The following LCA5L variants were observed in gnomAD, a reference collection of about 807,000 sequenced individuals.
The protein encoded by LCA5L is lebercilin LCA5 like.
In LCA5L, 35 loss-of-function variants were observed where a neutral mutation model predicts 45.4. That is an observed-to-expected ratio of 0.77 (90% CI 0.59 to 1.02). LCA5L has a LOEUF of 1.02. Ranked by LOEUF, LCA5L falls within the 50% of genes least tolerant of loss-of-function variation. LCA5L has a pLI of 0.00. For synonymous variants in LCA5L, 233 were observed against 264.7 expected, an observed-to-expected ratio of 0.88 and a Z score of 1.16; for missense variants, 668 against 761.6, an observed-to-expected ratio of 0.88 and a Z score of 1.45.
At chr21:39,422,415 C>CT (rs2073921877) in intron 6 of LCA5L, 1 of 152,568 alleles carries the variant, frequency 6.6e-6, no homozygotes, top group Non-Finnish European at 1.5e-5. Context: ...CCAGTCATCT[C>CT]TTTAATTATT....
rs551617762 is a variant in LCA5L, at chr21:39,439,304, T to A, written c.-245-3731A>T. On this transcript the variant is annotated intron_variant, in intron 2 of 10. Transcript: ENST00000288350. ...CCTTGGATCCTCTAGAAGGAATCAG[T>A]CCTGCTGACATCCTAACTTTAGCCC... 3.3e-5 allele frequency among the ~76,000 whole-genome samples: 5 copies of A among 152,312 alleles called. No individual in the cohort carries two copies. In the South Asian group the frequency reaches 1.0e-3, roughly 32 times the overall value.
At position 39,428,169 on chromosome 21, in the gene LCA5L, T is replaced by C; in HGVS notation, c.322+3A>G. On this transcript the variant is annotated splice_donor_region_variant and intron_variant, in intron 5 of 10. Transcript: ENST00000288350. Reference sequence around the variant, plus strand: ...GTCTTGCTTGGGAAATTTTACTCCTTACCTTTAGATTGGGAGATTTTAGAA... The same window carrying C: ...GTCTTGCTTGGGAAATTTTACTCCTCACCTTTAGATTGGGAGATTTTAGAA... 6.5e-7 allele frequency: 1 copy of C among 1,544,636 alleles called. No individual in the cohort carries two copies. Among genetic ancestry groups the C allele is most frequent in the Non-Finnish European group, 8.8e-7 (1 of 1,137,020 alleles).
chr21:39,415,421 T>C (rs983095498), intron 7 of LCA5L, among the ~76,000 whole-genome samples: 4 of 152,252 alleles, frequency 2.6e-5, no homozygotes, highest in Non-Finnish European at 4.4e-5. Context: ...CATGAGCCCA[T>C]GAACCAGCTT....
At position 39,423,263 on chromosome 21, in the gene LCA5L, T is replaced by C. The variant is rs767403262; in HGVS notation, c.550A>G (p.Lys184Glu). The C allele has an allele frequency of 1.2e-6, 2 of 1,610,242 alleles. No individual in the cohort carries two copies. The highest frequency in any genetic ancestry group is 2.2e-5 in the South Asian group (2 of 89,598). ...FLKQLQLRHL[K>E]AIGKYENSQN... is the part of the protein sequence containing the mutation. ...GAATTCTCATATTTTCCTATAGCTT[T>C]CAAATGCCTAAGCTGAAGTTGTTTC... is the stretch of plus-strand genomic sequence containing the variant. The change falls in exon 6 of 11, where the codon AAA becomes GAA. Residue 184 changes from lysine to glutamate, a missense_variant. Lys to Glu is a moderately conservative substitution (Grantham distance 56, BLOSUM62 1). Transcript: ENST00000288350.
chr21:39,413,568 T>A (rs1418969478), intron 7 of LCA5L, among the ~76,000 whole-genome samples: 2 of 152,212 alleles, frequency 1.3e-5, no homozygotes, highest in Non-Finnish European at 2.9e-5. Flanking sequence ...CACAAAGGGA[T>A]AAAACATGAG....
chr21:39,413,758 T>C (rs1247472585), intron 7 of LCA5L: 2 of 152,194 alleles, frequency 1.3e-5, no homozygotes, highest in Non-Finnish European at 2.9e-5. Context: ...TGTAAAACAT[T>C]TTAGAATGAG....
At position 39,409,932 on chromosome 21, in the gene LCA5L, A is replaced by T. The variant is rs2039798929; in HGVS notation, c.1282+47T>A. The T allele has an allele frequency of 2.7e-6, 3 of 1,123,330 alleles. No homozygotes were observed. In the South Asian group the frequency reaches 4.0e-5, roughly 15 times the overall value. 69.6% of individuals were successfully genotyped at this position (1,123,330 alleles called of 1,614,324 possible). A position where few individuals can be genotyped will look rare whatever the true frequency, so the allele number is the denominator to read the frequency against. ...TTTATATACACATATAGTAATTCAC[A>T]ATTTTAAAGAAATCAGATAAGATAG... is the stretch of plus-strand genomic sequence containing the variant. On this transcript the variant is annotated intron_variant, in intron 10 of 10. Coordinates refer to ENST00000288350, the MANE Select transcript of LCA5L (RefSeq NM_152505.4). This position sits in a 1 kb window ranked among gnomAD's most constrained non-coding sequence, Gnocchi z 4.2.
chr21:39,428,437 T>C lies in LCA5L; in HGVS notation c.57A>G (p.Ala19=). The change falls in exon 5 of 11, where the codon GCA becomes GCG. Residue 19 remains alanine, a synonymous_variant. Transcript: ENST00000288350. ...CTGCAGACCTCCTATTGTTTTCTAATGCCACGCCGAAGAAATGCTCATCTA... is the reference window on the plus strand; with the variant it reads ...CTGCAGACCTCCTATTGTTTTCTAACGCCACGCCGAAGAAATGCTCATCTA... ...TNIDEHFFGV[A]LENNRRSAAC... 1 of 1,612,082 alleles carries C rather than the reference T, an allele frequency of 6.2e-7. No individual in the cohort carries two copies.
At chr21:39,425,595 T>A (rs927022148) in intron 5 of LCA5L, among the ~76,000 whole-genome samples, 1 of 152,146 alleles carries the variant, frequency 6.6e-6, no homozygotes, top group African/African-American at 2.4e-5. Context: ...TGTCTGTGGT[T>A]TTGTTGAGGC....
rs1303989571 is a variant in LCA5L, at chr21:39,420,809, G to C, written c.872C>G (p.Ala291Gly). 2 of 1,612,670 alleles carry C rather than the reference G, an allele frequency of 1.2e-6. No homozygotes were observed. The highest frequency in any genetic ancestry group is 1.7e-6 in the Non-Finnish European group (2 of 1,178,930). The change falls in exon 7 of 11, where the codon GCC becomes GGC. Residue 291 changes from alanine to glycine, a missense_variant. Ala to Gly is a moderately conservative substitution (Grantham distance 60). Transcript: ENST00000288350. ...LEKQLRLNCR[A>G]FSRQLAIETR... Reference sequence around the variant, plus strand: ...CTCAATAGCCAGCTGCCGGCTAAAGGCTCTGCAGTTCAACCTCAGTTGTTT... The same window carrying C: ...CTCAATAGCCAGCTGCCGGCTAAAGCCTCTGCAGTTCAACCTCAGTTGTTT...
intron 2 of LCA5L, among the ~76,000 whole-genome samples, chr21:39,441,370 G>T (rs939923763): frequency 6.6e-6 from 1 of 152,020 alleles, no homozygotes; most frequent in African/African-American, 2.4e-5. Flanking sequence ...GAAGAAAAAA[G>T]GTATGTTCCC....
At position 39,429,159 on chromosome 21, in the gene LCA5L, C is replaced by T. The variant is rs2075372017; in HGVS notation, c.-39G>A. ...AAAAGCAGATTGAAACAAACAGATCCATCTTCTGAGGTCTTTAAAAGGATT... is the reference window on the plus strand; with the variant it reads ...AAAAGCAGATTGAAACAAACAGATCTATCTTCTGAGGTCTTTAAAAGGATT... On this transcript the variant is annotated 5_prime_UTR_variant, in exon 4 of 11. It removes an upstream start codon present in the reference 5' UTR. Transcript: ENST00000288350. The T allele has an allele frequency of 6.6e-6, 1 of 152,142 alleles. No homozygotes were observed. Among genetic ancestry groups the T allele is most frequent in the Admixed American group, 6.5e-5 (1 of 15,280 alleles). 9.4% of individuals were successfully genotyped at this position (152,142 alleles called of 1,614,324 possible).
At chr21:39,413,083 A>G (rs978932880) in intron 7 of LCA5L, among the ~76,000 whole-genome samples, 1 of 152,228 alleles carries the variant, frequency 6.6e-6, no homozygotes, top group Non-Finnish European at 1.5e-5. Flanking sequence ...TTATTTGACC[A>G]GACTGAGAAG....
chr21:39,440,846 T>A (rs1477085270), intron 2 of LCA5L, among the ~76,000 whole-genome samples: 1 of 152,188 alleles, frequency 6.6e-6, no homozygotes, highest in African/African-American at 2.4e-5. Flanking sequence ...TCTAAACTCT[T>A]TGACAAAAAT....
At chr21:39,432,384 C>T (rs1019212653) in intron 3 of LCA5L, among the ~76,000 whole-genome samples, 3 of 152,112 alleles carry the variant, frequency 2.0e-5, no homozygotes, top group East Asian at 1.9e-4. Context: ...GTACCTGATT[C>T]GCTAACATTT....
chr21:39,414,742 C>CTT (rs1341489035), intron 7 of LCA5L, among the ~76,000 whole-genome samples: 2 of 99,178 alleles, frequency 2.0e-5, no homozygotes, highest in Non-Finnish European at 3.8e-5. Context: ...CTCTCTCTCT[C>CTT]TGTGTGTGTG....
At chr21:39,406,939 A>C (rs1329795685) in intron 10 of LCA5L, among the ~76,000 whole-genome samples, 1 of 151,018 alleles carries the variant, frequency 6.6e-6, no homozygotes, top group Non-Finnish European at 1.5e-5. Flanking sequence ...CAGTTGAAAC[A>C]ATGATGGCTG....
At chr21:39,444,095 C>T (rs1602017404) in intron 2 of LCA5L, 40 bp downstream of exon 2, 2 of 151,788 alleles carry the variant, frequency 1.3e-5, no homozygotes, top group Admixed American at 6.6e-5. Flanking sequence ...AGGGCAGGGA[C>T]CTGTCACATT....
At chr21:39,438,460 TA>T (rs1417724959) in intron 2 of LCA5L, among the ~76,000 whole-genome samples, 4 of 152,088 alleles carry the variant, frequency 2.6e-5, no homozygotes, top group Non-Finnish European at 5.9e-5. Context: ...CATAAAAATA[TA>T]AAACTTCCTT....
Sources: allele counts gnomAD v4.1 joint callset (sites outside exome capture counted in the v4.1 genomes callset), GRCh38; gene constraint gnomAD v4.1.1; non-coding constraint Gnocchi (gnomAD v3.1); transcripts MANE v1.5; gene names NCBI Gene and HGNC (gene_info 2026-07-23, HGNC 2026-07-21).